Variants in VAV3 observed in about 807,000 individuals in gnomAD.
VAV3 encodes guanine nucleotide exchange factor VAV3.
Under a neutral mutation model 131.2 loss-of-function variants are expected in VAV3, and 94 were observed. The observed-to-expected ratio is 0.72, with a 90% CI of 0.61 to 0.85. The LOEUF is 0.85. Ranked by LOEUF, VAV3 falls within the 40% of genes least tolerant of loss-of-function variation. The pLI is 0.00. For missense variants in VAV3, 939 were observed against 1,002.7 expected (o/e 0.94, Z 0.86); for synonymous variants, 349 against 342.0 (o/e 1.02, Z -0.22).
intron 2 of VAV3, among the ~76,000 whole-genome samples, chr1:107,829,936 T>C (rs1557870940): frequency 6.6e-6 from 1 of 152,214 alleles, no homozygotes; most frequent in Admixed American, 6.5e-5. Flanking sequence ...TTTTACTCAG[T>C]ATATACAAGT....
At chr1:107,768,899 T>C (rs1299871660) in intron 6 of VAV3, among the ~76,000 whole-genome samples, 2 of 152,200 alleles carry the variant, frequency 1.3e-5, no homozygotes, top group Admixed American at 6.5e-5. Context: ...CAATAATCTA[T>C]GTATGCAATT....
chr1:107,624,425 G>A (rs1057283191), intron 20 of VAV3, among the ~76,000 whole-genome samples: 1 of 143,508 alleles, frequency 7.0e-6, no homozygotes, highest in Admixed American at 7.1e-5. Context: ...AAAGAAACAA[G>A]AGAATACCTT....
chr1:107,834,247 A>T (rs181898386), intron 2 of VAV3, among the ~76,000 whole-genome samples: 120 of 152,298 alleles, frequency 7.9e-4, no homozygotes, highest in African/African-American at 2.8e-3. Context: ...ACACCCGTAA[A>T]TTATTCCAAA....
At chr1:107,744,344 T>C (rs1663201817) in intron 15 of VAV3, among the ~76,000 whole-genome samples, 1 of 152,224 alleles carries the variant, frequency 6.6e-6, no homozygotes, top group South Asian at 2.1e-4. Context: ...AAATCTTAGA[T>C]ATTCACAGTA....
intron 17 of VAV3, among the ~76,000 whole-genome samples, chr1:107,702,672 A>T (rs1311927072): frequency 1.3e-5 from 2 of 152,060 alleles, no homozygotes; most frequent in African/African-American, 2.4e-5. Flanking sequence ...AAGTTAAAAA[A>T]TTTTATGTCC....
intron 15 of VAV3, among the ~76,000 whole-genome samples, chr1:107,735,992 CA>C (rs1357095061): frequency 6.6e-6 from 1 of 152,126 alleles, no homozygotes; most frequent in African/African-American, 2.4e-5. Flanking sequence ...AGCAACACAT[CA>C]AAAAGCTTAT....
chr1:107,883,214 G>C (rs999110177), intron 1 of VAV3, among the ~76,000 whole-genome samples: 1 of 152,076 alleles, frequency 6.6e-6, no homozygotes, highest in African/African-American at 2.4e-5. Context: ...GCTCATAAAT[G>C]CAGGGCTAAA....
At chr1:107,762,778 T>C (rs1664513150) in intron 9 of VAV3, among the ~76,000 whole-genome samples, 1 of 152,180 alleles carries the variant, frequency 6.6e-6, no homozygotes, top group Admixed American at 6.5e-5. Flanking sequence ...AAACCAACAT[T>C]GCTGGAATTA....
intron 1 of VAV3, among the ~76,000 whole-genome samples, chr1:107,875,988 G>A (rs767968605): frequency 3.3e-5 from 5 of 152,176 alleles, no homozygotes; most frequent in African/African-American, 7.2e-5. Context: ...GACACTGGCT[G>A]AAATGACTGT....
chr1:107,581,059 T>C (rs1330274586), intron 25 of VAV3, among the ~76,000 whole-genome samples: 3 of 152,222 alleles, frequency 2.0e-5, no homozygotes, highest in Non-Finnish European at 4.4e-5. Context: ...CCTAACATTA[T>C]AGACAACCTA....
chr1:107,676,922 T>G (rs1658251352), intron 19 of VAV3, among the ~76,000 whole-genome samples: 1 of 152,170 alleles, frequency 6.6e-6, no homozygotes, highest in Non-Finnish European at 1.5e-5. Context: ...TTTGTATGTC[T>G]TAACTCTCCA....
chr1:107,736,419 T>C (rs1404167729), intron 15 of VAV3, among the ~76,000 whole-genome samples: 1 of 152,156 alleles, frequency 6.6e-6, no homozygotes, highest in African/African-American at 2.4e-5. Context: ...AATCAAATTG[T>C]CCCTGTTTGC....
At chr1:107,908,731 A>C (rs1009994491) in intron 1 of VAV3, among the ~76,000 whole-genome samples, 2 of 152,048 alleles carry the variant, frequency 1.3e-5, no homozygotes, top group African/African-American at 4.8e-5. Context: ...AACAGGGGTA[A>C]GATGTGACAG....
At chr1:107,947,324 C>T (rs903470523) in intron 1 of VAV3, among the ~76,000 whole-genome samples, 4 of 152,308 alleles carry the variant, frequency 2.6e-5, no homozygotes, top group Admixed American at 6.5e-5. Context: ...CTAAATAAAA[C>T]ATCTGCACAA....
At chr1:107,680,748 C>CGTAAGGTAG (rs1353687455) in intron 19 of VAV3, among the ~76,000 whole-genome samples, 1 of 152,086 alleles carries the variant, frequency 6.6e-6, no homozygotes, top group Non-Finnish European at 1.5e-5. Context: ...ACAACAACAA[C>CGTAAGGTAG]GTAAGGTAGG....
intron 2 of VAV3, among the ~76,000 whole-genome samples, chr1:107,783,643 G>C (rs543438633): frequency 6.6e-6 from 1 of 152,094 alleles, no homozygotes; most frequent in Admixed American, 6.6e-5. Context: ...ACTCCTCCAC[G>C]GAGCCTTCTC....
intron 19 of VAV3, among the ~76,000 whole-genome samples, chr1:107,670,590 A>T (rs1214942498): frequency 6.6e-6 from 1 of 152,124 alleles, no homozygotes; most frequent in Non-Finnish European, 1.5e-5. Context: ...GGGAGAGGCA[A>T]GATCTGTACT....
chr1:107,919,603 G>A (rs1021441295), intron 1 of VAV3, among the ~76,000 whole-genome samples: 2 of 152,106 alleles, frequency 1.3e-5, no homozygotes, highest in South Asian at 2.1e-4. Context: ...CCGGTAGGAG[G>A]ATAGAGAGGG....
At chr1:107,941,611 T>G (rs10158469) in intron 1 of VAV3, among the ~76,000 whole-genome samples, 4,623 of 152,288 alleles carry the variant, frequency 0.03, 167 homozygotes, top group African/African-American at 0.085. Flanking sequence ...CTGTTTTGTT[T>G]GTTTTGCCAG....
Sources: gnomAD v4.1 joint callset for allele counts (sites outside exome capture counted in the v4.1 genomes callset) on GRCh38, gnomAD v4.1.1 for gene constraint, MANE v1.5 for transcripts, NCBI Gene and HGNC (gene_info 2026-07-23, HGNC 2026-07-21) for gene names.